NDFIP2: variants seen among roughly 807,000 people sequenced by gnomAD.
NDFIP2 encodes NEDD4 family-interacting protein 2.
NDFIP2 carries 19 observed loss-of-function variants against 36.0 expected under a neutral mutation model. The observed-to-expected ratio is 0.53, with a 90% CI of 0.37 to 0.77. The LOEUF is 0.77. NDFIP2 is among the 30% of genes least tolerant of loss of function. The pLI, the probability that NDFIP2 is intolerant of heterozygous loss-of-function variation, is 0.00. For synonymous variants in NDFIP2, 181 were observed against 167.7 expected, an observed-to-expected ratio of 1.08 and a Z score of -0.61; for missense variants, 446 against 435.8, an observed-to-expected ratio of 1.02 and a Z score of -0.21.
chr13:79,508,062 A>G (rs1208250544), intron 1 of NDFIP2, among the ~76,000 whole-genome samples: 2 of 152,108 alleles, frequency 1.3e-5, no homozygotes, highest in Non-Finnish European at 2.9e-5. Flanking sequence ...TGCTTTATTC[A>G]TTTAGTATGT....
At chr13:79,520,723 T>G in intron 1 of NDFIP2, 87 bp from the exon 2 acceptor site, 1 of 1,261,078 alleles carries the variant, frequency 7.9e-7, no homozygotes, top group Non-Finnish European at 1.1e-6. Flanking sequence ...CAAAAAGCGA[T>G]ACTGTGTCTG....
At chr13:79,504,779 G>T (rs1174219189) in intron 1 of NDFIP2, among the ~76,000 whole-genome samples, 1 of 152,086 alleles carries the variant, frequency 6.6e-6, no homozygotes, top group Non-Finnish European at 1.5e-5. Context: ...TTTAGTGGTT[G>T]TCAAATGGTG....
At position 79,555,902 on chromosome 13, in the gene NDFIP2, T is replaced by C. The variant is rs984761493; in HGVS notation, c.*3389T>C. 1 of 152,176 alleles carries C rather than the reference T, an allele frequency of 6.6e-6. No individual in the cohort carries two copies. The highest frequency in any genetic ancestry group is 1.5e-5 in the Non-Finnish European group (1 of 68,012). 9.4% of individuals were successfully genotyped at this position (152,176 alleles called of 1,614,324 possible). A position where few individuals can be genotyped will look rare whatever the true frequency, so the allele number is the denominator to read the frequency against. On this transcript the variant is annotated 3_prime_UTR_variant, in exon 8 of 8. Transcript: ENST00000218652. Reference sequence around the variant, plus strand: ...TCAGTTTAAGATTCGCATATTATCATGACTGTGACCTCACTAAACTGTTTA... The same window carrying C: ...TCAGTTTAAGATTCGCATATTATCACGACTGTGACCTCACTAAACTGTTTA...
At chr13:79,520,696 TTTTC>T in intron 1 of NDFIP2, 110 bp from the exon 2 acceptor site, 1 of 993,464 alleles carries the variant, frequency 1.0e-6, no homozygotes, top group Non-Finnish European at 1.4e-6. Flanking sequence ...AAAAATGCCA[TTTTC>T]TTTGTGTTTG....
intron 1 of NDFIP2, among the ~76,000 whole-genome samples, chr13:79,482,781 T>G (rs1293479430): frequency 6.6e-6 from 1 of 152,242 alleles, no homozygotes; most frequent in Non-Finnish European, 1.5e-5. Flanking sequence ...CCTTAAAACC[T>G]ACAAAAGGTC....
At chr13:79,541,668 T>C (rs952621557) in intron 4 of NDFIP2, among the ~76,000 whole-genome samples, 14 of 152,090 alleles carry the variant, frequency 9.2e-5, no homozygotes, top group Admixed American at 3.3e-4. Flanking sequence ...TTGCTATATT[T>C]TCCGTGTTTC....
At chr13:79,545,454 C>T (rs1875630619) in intron 5 of NDFIP2, among the ~76,000 whole-genome samples, 1 of 152,070 alleles carries the variant, frequency 6.6e-6, no homozygotes, top group Non-Finnish European at 1.5e-5. Flanking sequence ...GTTTGATCAC[C>T]AGGACTGTTT....
At chr13:79,499,128 A>C (rs552662684) in intron 1 of NDFIP2, among the ~76,000 whole-genome samples, 3 of 152,092 alleles carry the variant, frequency 2.0e-5, no homozygotes, top group Admixed American at 2.0e-4. Context: ...AATCCATTAC[A>C]TCAGTGGCTA....
At chr13:79,494,195 C>T (rs1212805327) in intron 1 of NDFIP2, among the ~76,000 whole-genome samples, 4 of 152,004 alleles carry the variant, frequency 2.6e-5, no homozygotes, top group African/African-American at 7.2e-5. Flanking sequence ...TTCTCAAAAA[C>T]GTTGTGATCT....
At position 79,521,098 on chromosome 13, in the gene NDFIP2, A is replaced by G. The variant is rs1479068864; in HGVS notation, c.487+123A>G. 6.6e-6 allele frequency: 5 copies of G among 762,058 alleles called. No individual in the cohort carries two copies. In the East Asian group the frequency reaches 8.2e-5, roughly 12 times the overall value. 47.2% of individuals were successfully genotyped at this position (762,058 alleles called of 1,614,324 possible). A position where few individuals can be genotyped will look rare whatever the true frequency, so the allele number is the denominator to read the frequency against. ...TATACACATGGATATTTATATATGTATATACATACTGTGTGCACATATAAA... is the reference window on the plus strand; with the variant it reads ...TATACACATGGATATTTATATATGTGTATACATACTGTGTGCACATATAAA... On this transcript the variant is annotated intron_variant, in intron 2 of 7. Coordinates refer to ENST00000218652, the MANE Select transcript of NDFIP2 (RefSeq NM_019080.3).
At chr13:79,510,066 A>G (rs1409121708) in intron 1 of NDFIP2, among the ~76,000 whole-genome samples, 3 of 152,206 alleles carry the variant, frequency 2.0e-5, no homozygotes, top group Non-Finnish European at 4.4e-5. Context: ...GACACTCAGT[A>G]TTAACTATCA....
intron 2 of NDFIP2, among the ~76,000 whole-genome samples, chr13:79,523,038 TA>T (rs1874647337): frequency 1.3e-5 from 2 of 152,156 alleles, no homozygotes; most frequent in South Asian, 4.1e-4. Flanking sequence ...CCTATTTCAA[TA>T]AATGGCTTCA....
Position 79,553,926 on chromosome 13 carries a change from G to T in NDFIP2, c.*1413G>T, listed in dbSNP as rs974779149. The T allele has an allele frequency of 3.3e-5, 5 of 151,684 alleles. No individual in the cohort carries two copies. The South Asian group carries it at 6.2e-4, about 19-fold the overall frequency. 9.4% of individuals were successfully genotyped at this position (151,684 alleles called of 1,614,324 possible). A position where few individuals can be genotyped will look rare whatever the true frequency, so the allele number is the denominator to read the frequency against. On this transcript the variant is annotated 3_prime_UTR_variant, in exon 8 of 8. Transcript: ENST00000218652. The stretch of plus-strand genomic sequence containing the variant: ...ACAGCTATATGGACCTTATAAAATT[G>T]ATTTCTTATTTATTATTAGACATTA...
At chr13:79,510,867 C>T (rs1262433080) in intron 1 of NDFIP2, among the ~76,000 whole-genome samples, 1 of 151,918 alleles carries the variant, frequency 6.6e-6, no homozygotes, top group Non-Finnish European at 1.5e-5. Context: ...GGTCTGGTGG[C>T]ACACACCTGT....
chr13:79,500,163 A>G (rs1187166539), intron 1 of NDFIP2, among the ~76,000 whole-genome samples: 1 of 148,900 alleles, frequency 6.7e-6, no homozygotes, highest in Non-Finnish European at 1.5e-5. Flanking sequence ...CTAGATCCCC[A>G]TGCAAAAAAA....
chr13:79,523,485 G>T (rs146546202), intron 2 of NDFIP2, among the ~76,000 whole-genome samples: 234 of 152,294 alleles, frequency 1.5e-3, no homozygotes, highest in African/African-American at 3.8e-3. Flanking sequence ...CTCCCAAAGT[G>T]CCGGGATTAC....
chr13:79,533,234 TGGTG>T, intron 2 of NDFIP2, 85 bp from the exon 3 acceptor site: 1 of 1,179,954 alleles, frequency 8.5e-7, no homozygotes, highest in Non-Finnish European at 1.2e-6. Context: ...AGTCCTGTAT[TGGTG>T]GCCAGTTGTA....
rs141350085 is a variant in NDFIP2 at position 79,492,558 on chromosome 13, C to T, written c.321+11034C>T. Among the ~76,000 whole-genome samples the T allele has an allele frequency of 3.6e-3, 543 of 152,152 alleles. 4 individuals carry two copies. Among genetic ancestry groups the T allele is most frequent in the African/African-American group, 0.013 (523 of 41,530 alleles). ...TTGAGACTACAGGCATGCATCACCA[C>T]GCTTGGCTGAATTTTTTCTTTTTTA... On this transcript the variant is annotated intron_variant, in intron 1 of 7. Coordinates refer to ENST00000218652, the MANE Select transcript of NDFIP2 (RefSeq NM_019080.3).
At chr13:79,482,446 C>T (rs1464787535) in intron 1 of NDFIP2, among the ~76,000 whole-genome samples, 2 of 152,058 alleles carry the variant, frequency 1.3e-5, no homozygotes, top group Non-Finnish European at 1.5e-5. Context: ...CAATAGTTGA[C>T]TCTGCTGTTG....
Sources: gnomAD v4.1 joint callset for allele counts (sites outside exome capture counted in the v4.1 genomes callset) on GRCh38, gnomAD v4.1.1 for gene constraint, MANE v1.5 for transcripts, NCBI Gene and HGNC (gene_info 2026-07-23, HGNC 2026-07-21) for gene names.